The following PGAP1 variants were observed in gnomAD, a reference collection of about 807,000 sequenced individuals.
PGAP1 encodes GPI inositol-deacylase.
Under a neutral mutation model 127.0 loss-of-function variants are expected in PGAP1, and 76 were observed. The ratio of observed to expected loss-of-function variants is 0.60; its 90% CI spans 0.50 to 0.72. The LOEUF (loss-of-function observed/expected upper bound fraction) is 0.72, where lower values mean the gene tolerates loss of function less well. Ranked by LOEUF, PGAP1 falls within the 30% of genes least tolerant of loss-of-function variation. The pLI, the probability that PGAP1 is intolerant of heterozygous loss-of-function variation, is 0.00. For synonymous variants in PGAP1, 362 were observed against 366.5 expected (o/e 0.99, Z 0.14); for missense variants, 982 against 1,071.3 (o/e 0.92, Z 1.16).
intron 23 of PGAP1, among the ~76,000 whole-genome samples, chr2:196,845,316 A>C (rs1700525986): frequency 6.6e-6 from 1 of 151,722 alleles, no homozygotes; most frequent in Non-Finnish European, 1.5e-5. Context: ...GTTCCTAAGA[A>C]TAACATGGAG....
chr2:196,915,204 C>G (rs1356101135), intron 3 of PGAP1, among the ~76,000 whole-genome samples: 1 of 152,070 alleles, frequency 6.6e-6, no homozygotes, highest in African/African-American at 2.4e-5. Context: ...GTTTCTGGTT[C>G]CTTCTCATCT....
chr2:196,875,772 A>G lies in PGAP1; in HGVS notation c.1400T>C (p.Leu467Pro). 1.3e-6 allele frequency: 2 copies of G among 1,543,316 alleles called. No individual in the cohort carries two copies. Among genetic ancestry groups the G allele is most frequent in the East Asian group, 2.3e-5 (1 of 44,302 alleles). ...FFKKEKRYIQ[L>P]PVTHLFSFGL... ...AAAGGAAAAAAGATGAGTTACAGGA[A>G]GCTGTATGTATCTTTTCTCTTTTTT... The change falls in exon 14 of 27, where the codon CTT becomes CCT. Residue 467 changes from leucine to proline, a missense_variant. By Grantham distance (98) the Leu-to-Pro change is moderately conservative (BLOSUM62 -3). Transcript: ENST00000354764.
chr2:196,872,636 G>A (rs1462768991), intron 17 of PGAP1, 87 bp from the exon 18 acceptor site: 4 of 885,766 alleles, frequency 4.5e-6, no homozygotes, highest in Non-Finnish European at 5.4e-6. Flanking sequence ...CAATACAACT[G>A]AATAATGTAG....
chr2:196,905,439 G>T (rs982188623), intron 4 of PGAP1, among the ~76,000 whole-genome samples: 1 of 152,078 alleles, frequency 6.6e-6, no homozygotes. Flanking sequence ...GAAAAACCGG[G>T]CCTCATAATA....
chr2:196,886,129 C>T (rs1053669890), intron 10 of PGAP1, among the ~76,000 whole-genome samples: 4 of 148,956 alleles, frequency 2.7e-5, no homozygotes, highest in African/African-American at 7.4e-5. Context: ...GCCAAGAGTA[C>T]GAGAAGGACT....
intron 4 of PGAP1, among the ~76,000 whole-genome samples, chr2:196,912,634 A>G (rs1403034943): frequency 1.3e-5 from 2 of 151,516 alleles, no homozygotes; most frequent in African/African-American, 4.9e-5. Flanking sequence ...GTGCCTAGAA[A>G]TTATAAAACA....
chr2:196,903,511 A>C (rs974279364), intron 4 of PGAP1, among the ~76,000 whole-genome samples: 1 of 142,910 alleles, frequency 7.0e-6, no homozygotes, highest in Non-Finnish European at 1.5e-5. Context: ...CAGTGAGCCG[A>C]GATTGTGCTA....
chr2:196,855,040 C>T (rs1201934527), intron 20 of PGAP1, among the ~76,000 whole-genome samples: 1 of 150,712 alleles, frequency 6.6e-6, no homozygotes, highest in African/African-American at 2.4e-5. Flanking sequence ...ATCTTCATAT[C>T]AGCAGGGCAC....
intron 5 of PGAP1, among the ~76,000 whole-genome samples, chr2:196,901,662 A>T (rs954627083): frequency 3.9e-5 from 6 of 152,218 alleles, no homozygotes; most frequent in African/African-American, 1.4e-4. Flanking sequence ...CTTTACACAG[A>T]TTATGTATCC....
intron 10 of PGAP1, among the ~76,000 whole-genome samples, chr2:196,889,435 G>A (rs1388749991): frequency 6.6e-6 from 1 of 151,498 alleles, no homozygotes; most frequent in Non-Finnish European, 1.5e-5. Context: ...AATAGATCTT[G>A]GTTCTAAATA....
At chr2:196,843,658 G>A (rs1012943979) in intron 25 of PGAP1, among the ~76,000 whole-genome samples, 2 of 152,054 alleles carry the variant, frequency 1.3e-5, no homozygotes, top group African/African-American at 4.8e-5. Flanking sequence ...GAACCCAGAA[G>A]GCGGAAGTTG....
intron 23 of PGAP1, among the ~76,000 whole-genome samples, chr2:196,845,295 G>A (rs1355376360): frequency 6.6e-6 from 1 of 150,702 alleles, no homozygotes; most frequent in Admixed American, 6.6e-5. Flanking sequence ...CCACTCTGAT[G>A]TCAACTGTCT....
chr2:196,916,371 G>C (rs757756639), intron 3 of PGAP1, 47 bp downstream of exon 3: 1 of 1,441,222 alleles, frequency 6.9e-7, no homozygotes. Context: ...TTTTTAAAAA[G>C]GTGCCGATAG....
intron 22 of PGAP1, among the ~76,000 whole-genome samples, chr2:196,846,436 G>A (rs1654888684): frequency 6.6e-6 from 1 of 152,116 alleles, no homozygotes; most frequent in Admixed American, 6.5e-5. Flanking sequence ...GGAGGAAGAA[G>A]CATCACACCC....
In PGAP1 at chr2:196,843,939, C is replaced by G. The variant is rs1369664658; in HGVS notation, c.2474G>C (p.Trp825Ser). 1 of 1,588,452 alleles carries G rather than the reference C, an allele frequency of 6.3e-7. No homozygotes were observed. Among genetic ancestry groups the G allele is most frequent in the Non-Finnish European group, 8.6e-7 (1 of 1,164,858 alleles). ...MHSTVINLLTWIVLLSMPSLI... is the reference protein window; with the variant it reads ...MHSTVINLLTSIVLLSMPSLI... ...AGAAGGCATGCTGAGTAATACAATC[C>G]ATGTTAGTAAGTTAATCACAGTACT... Residue 825 changes from tryptophan (W) to serine (S), a missense_variant, in exon 25 of 27, where the codon TGG becomes TCG. Coordinates refer to ENST00000354764, the MANE Select transcript of PGAP1 (RefSeq NM_024989.4).
At chr2:196,898,167 G>C (rs943985252) in intron 6 of PGAP1, 150 bp downstream of exon 6, 16 of 527,054 alleles carry the variant, frequency 3.0e-5, no homozygotes, top group African/African-American at 1.4e-4. Context: ...GCAGTGAGCT[G>C]AAATTGCACC....
At position 196,864,989 on chromosome 2, in the gene PGAP1, G is replaced by T; in HGVS notation, c.1859C>A (p.Thr620Lys). 2.0e-6 allele frequency: 3 copies of T among 1,511,452 alleles called. No individual in the cohort carries two copies. The highest frequency in any genetic ancestry group is 2.7e-6 in the Non-Finnish European group (3 of 1,127,110). 93.6% of individuals were successfully genotyped at this position (1,511,452 alleles called of 1,614,324 possible). ...YRGQLYSLFS[T>K]GCCLEYATML... ...TTAAAAATTAGAAGCATTCTTACCT[G>T]TTGAGAAAAGAGAATATAACTGTCC... Residue 620 changes from threonine to lysine, a missense_variant and splice_region_variant, in exon 20 of 27, where the codon ACA becomes AAA. Coordinates refer to ENST00000354764, the MANE Select transcript of PGAP1 (RefSeq NM_024989.4).
At position 196,845,843 on chromosome 2, in the gene PGAP1, A is replaced by G. The variant is rs1273489835; in HGVS notation, c.2286+39T>C. ...AACATCCTACATGTATGTGCCTAAT[A>G]CAAAGCTCAATCATTTTGGCTTTAC... is the stretch of plus-strand genomic sequence containing the variant. On this transcript the variant is annotated intron_variant, in intron 23 of 26. Coordinates refer to ENST00000354764, the MANE Select transcript of PGAP1 (RefSeq NM_024989.4). 3.9e-6 allele frequency: 6 copies of G among 1,554,754 alleles called. No homozygotes were observed. In the African/African-American group the frequency reaches 8.2e-5, roughly 21 times the overall value.
intron 23 of PGAP1, 76 bp downstream of exon 23, chr2:196,845,806 C>T: frequency 7.8e-7 from 1 of 1,287,024 alleles, no homozygotes; most frequent in Non-Finnish European, 1.0e-6. Flanking sequence ...TTTTTGTTAA[C>T]AATGCCTACG....
Sources: gnomAD v4.1 joint callset for allele counts (sites outside exome capture counted in the v4.1 genomes callset) on GRCh38, gnomAD v4.1.1 for gene constraint, MANE v1.5 for transcripts, NCBI Gene and HGNC (gene_info 2026-07-23, HGNC 2026-07-21) for gene names.